Variants in RHOBTB1 observed in about 807,000 individuals in gnomAD.
The protein encoded by RHOBTB1 is Rho related BTB domain containing 1.
RHOBTB1 carries 40 observed loss-of-function variants against 71.6 expected under a neutral mutation model. The observed-to-expected ratio is 0.56, with a 90% CI of 0.43 to 0.73. The LOEUF (loss-of-function observed/expected upper bound fraction) is 0.73, where lower values mean the gene tolerates loss of function less well. Ranked by LOEUF, RHOBTB1 falls within the 30% of genes least tolerant of loss-of-function variation. The pLI, the probability that RHOBTB1 is intolerant of heterozygous loss-of-function variation, is 0.00. For synonymous variants in RHOBTB1, 319 were observed against 334.9 expected, an observed-to-expected ratio of 0.95 and a Z score of 0.52; for missense variants, 797 against 894.0, an observed-to-expected ratio of 0.89 and a Z score of 1.38.
At chr10:60,960,674 A>G (rs1412338575) in intron 2 of RHOBTB1, among the ~76,000 whole-genome samples, 1 of 152,182 alleles carries the variant, frequency 6.6e-6, no homozygotes, top group African/African-American at 2.4e-5. Context: ...GGGAGATCAT[A>G]ATCCAAGTCG....
At chr10:60,979,091 G>T (rs1356687910) in intron 2 of RHOBTB1, among the ~76,000 whole-genome samples, 1 of 152,080 alleles carries the variant, frequency 6.6e-6, no homozygotes, top group Non-Finnish European at 1.5e-5. Flanking sequence ...CTCGAACCAG[G>T]TTCAAGGCTC....
chr10:60,944,207 C>T (rs2085103043), upstream of RHOBTB1: 1 of 152,118 alleles, frequency 6.6e-6, no homozygotes. Context: ...GGGGCTCGCC[C>T]CTTTCCACCC....
At chr10:60,913,386 C>T (rs1332946470) in intron 2 of RHOBTB1, among the ~76,000 whole-genome samples, 1 of 152,166 alleles carries the variant, frequency 6.6e-6, no homozygotes. Flanking sequence ...ACATACTTAT[C>T]CTGAACATCC....
intron 2 of RHOBTB1, among the ~76,000 whole-genome samples, chr10:60,938,114 AG>A (rs1337471926): frequency 2.6e-5 from 4 of 152,202 alleles, no homozygotes; most frequent in African/African-American, 9.6e-5. Flanking sequence ...ACAGCTTAGA[AG>A]GGTGTTATGT....
chr10:60,970,438 C>T (rs2134661663), intron 2 of RHOBTB1, among the ~76,000 whole-genome samples: 2 of 152,004 alleles, frequency 1.3e-5, no homozygotes, highest in East Asian at 3.9e-4. Flanking sequence ...TTTTTAGTTC[C>T]TTAGATCAAA....
intron 2 of RHOBTB1, among the ~76,000 whole-genome samples, chr10:60,958,203 G>A (rs1407504460): frequency 6.6e-6 from 1 of 152,138 alleles, no homozygotes; most frequent in East Asian, 1.9e-4. Context: ...ATATGCATAA[G>A]GTTGAAGCCT....
chr10:60,962,998 T>C (rs1447156603), intron 2 of RHOBTB1, among the ~76,000 whole-genome samples: 4 of 152,180 alleles, frequency 2.6e-5, no homozygotes, highest in African/African-American at 9.7e-5. Context: ...TTCTAACATC[T>C]AAATAGTCTT....
At chr10:60,863,564 T>C in the RHOBTB1 span, among the ~76,000 whole-genome samples, 1 of 152,114 alleles carries the variant, frequency 6.6e-6, no homozygotes, top group East Asian at 1.9e-4. Context: ...ATGAAGTCTC[T>C]CCCTGTTGCC....
intron 2 of RHOBTB1, among the ~76,000 whole-genome samples, chr10:60,952,604 G>C (rs1038304360): frequency 1.3e-5 from 2 of 152,200 alleles, no homozygotes; most frequent in African/African-American, 4.8e-5. Flanking sequence ...ACTACTGACA[G>C]AGAAAGATTC....
chr10:60,936,726 A>T (rs921641562), intron 2 of RHOBTB1, among the ~76,000 whole-genome samples: 1 of 152,272 alleles, frequency 6.6e-6, no homozygotes, highest in South Asian at 2.1e-4. Context: ...TTACTGAATC[A>T]TAATCTGCAC....
chr10:60,995,265 C>G (rs973261019), intron 1 of RHOBTB1, among the ~76,000 whole-genome samples: 1 of 152,102 alleles, frequency 6.6e-6, no homozygotes, highest in Non-Finnish European at 1.5e-5. Flanking sequence ...GGACTCAGTG[C>G]ACATACCTTT....
At chr10:60,968,795 G>A (rs1460921413) in intron 2 of RHOBTB1, among the ~76,000 whole-genome samples, 4 of 152,032 alleles carry the variant, frequency 2.6e-5, no homozygotes, top group Non-Finnish European at 5.9e-5. Context: ...TGGTTATTAA[G>A]GTATCTGGAT....
intron 2 of RHOBTB1, among the ~76,000 whole-genome samples, chr10:60,962,575 A>G (rs2085820175): frequency 6.6e-6 from 1 of 152,172 alleles, no homozygotes; most frequent in South Asian, 2.1e-4. Flanking sequence ...CAAATTATAT[A>G]GTATTTTTTT....
At chr10:60,992,668 C>T (rs980058263) in intron 1 of RHOBTB1, among the ~76,000 whole-genome samples, 9 of 152,132 alleles carry the variant, frequency 5.9e-5, no homozygotes, top group African/African-American at 2.2e-4. Context: ...TCACATTTTT[C>T]TCATGCCCCC....
chr10:60,903,528 A>G (rs1490145957), intron 4 of RHOBTB1, among the ~76,000 whole-genome samples: 1 of 152,210 alleles, frequency 6.6e-6, no homozygotes, highest in African/African-American at 2.4e-5. Flanking sequence ...ACAAAAGACA[A>G]AATTGTTACT....
rs548653694 is a variant in RHOBTB1 at position 60,971,345 on chromosome 10, A to T, written c.-62+14500T>A. Among the ~76,000 whole-genome samples the T allele has an allele frequency of 1.8e-4, 27 of 151,966 alleles. No individual in the cohort carries two copies. In the Middle Eastern group the frequency reaches 0.01, roughly 58 times the overall value. ...CAGCATGGTACTGGTACCAAAACAGATATATAGACCAATGGAACAGAACAG... is the reference window on the plus strand; with the variant it reads ...CAGCATGGTACTGGTACCAAAACAGTTATATAGACCAATGGAACAGAACAG... On this transcript the variant is annotated intron_variant, in intron 2 of 11. Coordinates refer to the RHOBTB1 transcript ENST00000357917.
At chr10:60,919,211 T>A (rs189403520) in intron 2 of RHOBTB1, among the ~76,000 whole-genome samples, 86 of 152,322 alleles carry the variant, frequency 5.6e-4, no homozygotes, top group Non-Finnish European at 8.7e-4. Flanking sequence ...CCCAAAAGCA[T>A]ATAATCTGAA....
At chr10:60,926,034 C>A (rs1220143618) in intron 2 of RHOBTB1, among the ~76,000 whole-genome samples, 4 of 152,004 alleles carry the variant, frequency 2.6e-5, no homozygotes, top group Admixed American at 1.3e-4. Flanking sequence ...AGCTCAAGAC[C>A]AGCCGGACCA....
chr10:60,943,256 G>T (rs1262882075), intron 1 of RHOBTB1, among the ~76,000 whole-genome samples: 2 of 152,190 alleles, frequency 1.3e-5, no homozygotes, highest in Non-Finnish European at 2.9e-5. Context: ...GTTTGATACT[G>T]CTGGGGATGG....
Sources: allele counts gnomAD v4.1 joint callset (sites outside exome capture counted in the v4.1 genomes callset), GRCh38; gene constraint gnomAD v4.1.1; transcripts MANE v1.5; gene names NCBI Gene and HGNC (gene_info 2026-07-23, HGNC 2026-07-21).